Variants in DCC observed in about 807,000 individuals in gnomAD.
The protein encoded by DCC is netrin receptor DCC.
Under a neutral mutation model 172.5 loss-of-function variants are expected in DCC, and 58 were observed. That is an observed-to-expected ratio of 0.34 (90% CI 0.27 to 0.42). The LOEUF (loss-of-function observed/expected upper bound fraction) is 0.42. DCC is among the 10% of genes least tolerant of loss of function. The pLI is 1.00. For synonymous variants in DCC, 709 were observed against 644.5 expected, an observed-to-expected ratio of 1.10 and a Z score of -1.52; for missense variants, 1,740 against 1,791.0, an observed-to-expected ratio of 0.97 and a Z score of 0.51.
chr18:52,967,757 G>A (rs1490605706), intron 5 of DCC, among the ~76,000 whole-genome samples: 5 of 151,914 alleles, frequency 3.3e-5, no homozygotes, highest in African/African-American at 1.2e-4. Flanking sequence ...AATATATTCG[G>A]TATATTTATT....
chr18:53,456,096 G>C (rs1315085342), intron 23 of DCC, among the ~76,000 whole-genome samples: 1 of 152,208 alleles, frequency 6.6e-6, no homozygotes, highest in Non-Finnish European at 1.5e-5. Flanking sequence ...GCCAAGGTGA[G>C]TGGTACAGAG....
chr18:52,512,716 G>A (rs1254981225), intron 1 of DCC, among the ~76,000 whole-genome samples: 1 of 152,086 alleles, frequency 6.6e-6, no homozygotes, highest in African/African-American at 2.4e-5. Flanking sequence ...TGGTGAACTA[G>A]TAAATATACA....
intron 1 of DCC, among the ~76,000 whole-genome samples, chr18:52,425,058 T>C (rs1987378866): frequency 6.6e-6 from 1 of 152,128 alleles, no homozygotes; most frequent in East Asian, 1.9e-4. Context: ...ACCCATTAAG[T>C]AATTTCTAAT....
At chr18:52,579,055 T>C (rs1361006428) in intron 1 of DCC, among the ~76,000 whole-genome samples, 1 of 152,208 alleles carries the variant, frequency 6.6e-6, no homozygotes, top group Non-Finnish European at 1.5e-5. Context: ...TGCTTATAAA[T>C]TTTCAAATTA....
intron 1 of DCC, among the ~76,000 whole-genome samples, chr18:52,344,265 T>C (rs1324490477): frequency 6.6e-6 from 1 of 152,194 alleles, no homozygotes; most frequent in Non-Finnish European, 1.5e-5. Context: ...AAGTTTCTGC[T>C]AGAGTACAGG....
At chr18:53,139,059 G>A (rs1035206135) in intron 7 of DCC, among the ~76,000 whole-genome samples, 1 of 152,090 alleles carries the variant, frequency 6.6e-6, no homozygotes, top group Non-Finnish European at 1.5e-5. Flanking sequence ...GTGTACTTCT[G>A]CACTATCCAA....
intron 1 of DCC, among the ~76,000 whole-genome samples, chr18:52,525,239 T>G (rs950410028): frequency 3.3e-5 from 5 of 152,186 alleles, no homozygotes; most frequent in African/African-American, 1.2e-4. Context: ...ATGTCTAGTC[T>G]ATATGATATC....
In DCC at chr18:53,305,687, T is replaced by G. The variant is rs1671259118; in HGVS notation, c.2021T>G (p.Leu674Arg). 1.1e-5 allele frequency: 17 copies of G among 1,614,020 alleles called. 1 individual carries two copies. The highest frequency in any genetic ancestry group is 1.4e-5 in the Non-Finnish European group (17 of 1,179,922). Residue 674 changes from leucine (L) to arginine (R), a missense_variant, in exon 13 of 29, where the codon CTG (leucine) becomes CGG (arginine). Coordinates refer to ENST00000442544, the MANE Select transcript of DCC (RefSeq NM_005215.4). ...KTTRRGEMETLEPNNLWYLFT... is the reference protein window; with the variant it reads ...KTTRRGEMETREPNNLWYLFT... ...ACCCGCAGGGGTGAGATGGAAACAC[T>G]GGAGCCAAACAACCTCTGGTACCTA...
At chr18:52,974,930 G>A (rs930574299) in intron 5 of DCC, among the ~76,000 whole-genome samples, 1 of 152,158 alleles carries the variant, frequency 6.6e-6, no homozygotes, top group African/African-American at 2.4e-5. Context: ...TTACGGATAT[G>A]TTAAAAGTTT....
At chr18:52,923,632 A>G in intron 3 of DCC, 75 bp from the exon 4 acceptor site, 1 of 1,226,294 alleles carries the variant, frequency 8.2e-7, no homozygotes, top group Non-Finnish European at 1.2e-6. Flanking sequence ...TTTTGTTAGG[A>G]AAAAAATCAA....
intron 1 of DCC, among the ~76,000 whole-genome samples, chr18:52,420,682 A>C (rs1987217761): frequency 6.6e-6 from 1 of 152,102 alleles, no homozygotes; most frequent in African/African-American, 2.4e-5. Flanking sequence ...AATAAAGATA[A>C]ATTTGAGCTA....
chr18:52,944,484 C>CT (rs2040511107), intron 5 of DCC, among the ~76,000 whole-genome samples: 1 of 152,116 alleles, frequency 6.6e-6, no homozygotes, highest in Non-Finnish European at 1.5e-5. Context: ...CCAGAGAAGT[C>CT]CCAGTTTTTC....
chr18:53,342,771 G>A (rs1307836633), intron 15 of DCC, among the ~76,000 whole-genome samples: 2 of 123,300 alleles, frequency 1.6e-5, no homozygotes, highest in African/African-American at 5.3e-5. Context: ...ATATATATTT[G>A]GATATATATA....
chr18:52,361,633 C>T (rs904675596), intron 1 of DCC, among the ~76,000 whole-genome samples: 8 of 152,204 alleles, frequency 5.3e-5, no homozygotes, highest in East Asian at 3.8e-4. Context: ...AGCCAACCTC[C>T]ATATCACATG....
At chr18:52,578,263 A>G (rs1262437097) in intron 1 of DCC, among the ~76,000 whole-genome samples, 1 of 152,212 alleles carries the variant, frequency 6.6e-6, no homozygotes, top group Non-Finnish European at 1.5e-5. Flanking sequence ...GTTATGGCAG[A>G]AATACAGAAA....
chr18:53,052,118 ATGAGACT>A (rs1354988145), intron 5 of DCC, among the ~76,000 whole-genome samples: 1 of 152,006 alleles, frequency 6.6e-6, no homozygotes, highest in Non-Finnish European at 1.5e-5. Flanking sequence ...GGCATCTATT[ATGAGACT>A]TGTACTTTCT....
intron 1 of DCC, among the ~76,000 whole-genome samples, chr18:52,506,751 T>G (rs976384627): frequency 6.6e-6 from 1 of 152,150 alleles, no homozygotes; most frequent in Admixed American, 6.5e-5. Context: ...CCATGATTAC[T>G]GATTATTGTT....
At chr18:53,427,693 T>A (rs1444175966) in intron 21 of DCC, among the ~76,000 whole-genome samples, 1 of 150,206 alleles carries the variant, frequency 6.7e-6, no homozygotes, top group Non-Finnish European at 1.5e-5. Flanking sequence ...CTCCTTTGGT[T>A]CCCTAATATT....
At chr18:52,877,992 T>G (rs569166429) in intron 2 of DCC, among the ~76,000 whole-genome samples, 1 of 152,250 alleles carries the variant, frequency 6.6e-6, no homozygotes, top group East Asian at 1.9e-4. Context: ...TAAACATATT[T>G]CCTGTGTGTC....
Sources: gnomAD v4.1 joint callset for allele counts (sites outside exome capture counted in the v4.1 genomes callset) on GRCh38, gnomAD v4.1.1 for gene constraint, MANE v1.5 for transcripts, NCBI Gene and HGNC (gene_info 2026-07-23, HGNC 2026-07-21) for gene names.